Variants in KDM3A observed in about 807,000 individuals in gnomAD.
KDM3A encodes the protein lysine-specific demethylase 3A.
A neutral mutation model predicts 158.0 loss-of-function variants in KDM3A; 60 were observed. The ratio of observed to expected loss-of-function variants is 0.38; its 90% confidence interval spans 0.31 to 0.47. KDM3A has a LOEUF of 0.47. Among genes scored for constraint, KDM3A ranks in the 20% least tolerant of loss-of-function variants. The pLI is 0.99. For missense variants in KDM3A, 1,319 were observed against 1,574.3 expected (o/e 0.84, Z 2.74); for synonymous variants, 608 against 549.3 (o/e 1.11, Z -1.49).
chr2:86,454,650 G>A (rs988622594), intron 4 of KDM3A, among the ~76,000 whole-genome samples: 2 of 151,776 alleles, frequency 1.3e-5, no homozygotes, highest in Non-Finnish European at 2.9e-5. Flanking sequence ...GCAATGAATC[G>A]ACCATATACA....
intron 2 of KDM3A, among the ~76,000 whole-genome samples, chr2:86,448,614 G>T (rs1238241048): frequency 6.6e-6 from 1 of 152,124 alleles, no homozygotes; most frequent in African/African-American, 2.4e-5. Context: ...GGGAAGGTTT[G>T]TTTGAGGAAA....
intron 23 of KDM3A, 28 bp downstream of exon 23, chr2:86,489,687 G>C: frequency 6.3e-7 from 1 of 1,587,808 alleles, no homozygotes; most frequent in Non-Finnish European, 8.6e-7. Flanking sequence ...TGTGTGAACA[G>C]AGGCATAAGG....
chr2:86,474,880 T>C lies in KDM3A; in HGVS notation c.1829T>C (p.Val610Ala), dbSNP rs1236292519. The change falls in exon 12 of 26, where the codon GTT becomes GCT. Residue 610 changes from valine (V) to alanine (A), a missense_variant. Around this residue, in one of 4 missense-constraint regions of KDM3A, gnomAD observed 113 missense variants for 190.5 expected, o/e 0.59. Transcript: ENST00000312912. ...TTGTGGTTACCTTTAACCAAAAACGTTGTGGGGATTGATTTGGACACAGCA... is the reference window on the plus strand; with the variant it reads ...TTGTGGTTACCTTTAACCAAAAACGCTGTGGGGATTGATTTGGACACAGCA... Reference protein sequence around the residue: ...IGLWLPLTKNVVGIDLDTAKY... With the variant: ...IGLWLPLTKNAVGIDLDTAKY... 2 of 1,614,024 alleles carry C rather than the reference T, an allele frequency of 1.2e-6. No individual in the cohort carries two copies. The highest frequency in any genetic ancestry group is 1.7e-6 in the Non-Finnish European group (2 of 1,179,982).
intron 2 of KDM3A, among the ~76,000 whole-genome samples, chr2:86,445,658 G>A (rs1324724385): frequency 6.6e-6 from 1 of 152,172 alleles, no homozygotes; most frequent in Non-Finnish European, 1.5e-5. Context: ...GCAATTTGGT[G>A]CCTTGACTAA....
At chr2:86,474,106 T>C (rs1673540652) in intron 11 of KDM3A, among the ~76,000 whole-genome samples, 1 of 152,232 alleles carries the variant, frequency 6.6e-6, no homozygotes, top group Non-Finnish European at 1.5e-5. Flanking sequence ...ACTTAACTTC[T>C]GTAGTAACTT....
intron 10 of KDM3A, among the ~76,000 whole-genome samples, chr2:86,469,720 A>AT (rs2104671730): frequency 6.6e-6 from 1 of 152,294 alleles, no homozygotes; most frequent in East Asian, 1.9e-4. Flanking sequence ...TAGGAAAGTG[A>AT]TTCGTTTATT....
At chr2:86,456,671 G>A (rs2104644383) in intron 6 of KDM3A, 105 bp downstream of exon 6, 2 of 1,290,074 alleles carry the variant, frequency 1.6e-6, no homozygotes, top group African/African-American at 3.0e-5. Flanking sequence ...ATTTTATAGG[G>A]TAGAAATAAT....
chr2:86,456,931 T>C, intron 7 of KDM3A, 52 bp from the exon 8 acceptor site: 1 of 1,570,658 alleles, frequency 6.4e-7, no homozygotes, highest in Non-Finnish European at 8.7e-7. Context: ...TCCGTTCTTC[T>C]CACATTAAGA....
upstream of KDM3A, among the ~76,000 whole-genome samples, chr2:86,437,572 C>T (rs763256218): frequency 1.1e-4 from 16 of 152,088 alleles, no homozygotes; most frequent in Non-Finnish European, 2.1e-4. Context: ...TCTTTGTTCT[C>T]TTCATTACTT....
chr2:86,454,258 G>A (rs550694410), intron 4 of KDM3A, among the ~76,000 whole-genome samples: 25 of 152,190 alleles, frequency 1.6e-4, no homozygotes, highest in Non-Finnish European at 3.4e-4. Flanking sequence ...GCTTTAAGGG[G>A]CCTTAGAAAA....
At chr2:86,476,380 T>C (rs990246339) in intron 12 of KDM3A, among the ~76,000 whole-genome samples, 1 of 122,724 alleles carries the variant, frequency 8.1e-6, no homozygotes, top group Non-Finnish European at 1.7e-5. Context: ...GGCACAGTTA[T>C]CTTTTACAGC....
At chr2:86,458,480 G>A (rs1380741750) in intron 8 of KDM3A, among the ~76,000 whole-genome samples, 1 of 152,166 alleles carries the variant, frequency 6.6e-6, no homozygotes, top group Non-Finnish European at 1.5e-5. Flanking sequence ...ATCCATCCAA[G>A]AAACCATAGT....
intron 23 of KDM3A, 172 bp from the exon 24 acceptor site, chr2:86,490,709 T>G: frequency 1.8e-6 from 1 of 540,928 alleles, no homozygotes; most frequent in Non-Finnish European, 3.3e-6. Context: ...CATTCTTCTG[T>G]TGGTTCATTC....
At position 86,485,874 on chromosome 2, in the gene KDM3A, G is replaced by A; in HGVS notation, c.3313+15G>A. On this transcript the variant is annotated intron_variant, in intron 21 of 25. Coordinates refer to ENST00000312912, the MANE Select transcript of KDM3A (RefSeq NM_018433.6). ...TAATGCTTATGGTAAGGAGGAGATGGCTAACTTTAAAATGGAAATAAAACA... is the reference window on the plus strand; with the variant it reads ...TAATGCTTATGGTAAGGAGGAGATGACTAACTTTAAAATGGAAATAAAACA... 1 of 1,601,168 alleles carries A rather than the reference G, an allele frequency of 6.2e-7. No individual in the cohort carries two copies. Among genetic ancestry groups the A allele is most frequent in the Non-Finnish European group, 8.5e-7 (1 of 1,170,360 alleles).
At chr2:86,464,317 T>A in intron 9 of KDM3A, 101 bp downstream of exon 9, 1 of 842,536 alleles carries the variant, frequency 1.2e-6, no homozygotes, top group Non-Finnish European at 1.7e-6. Flanking sequence ...AGGTTTTTCG[T>A]TAGAGTTTCT....
chr2:86,444,995 G>T (rs865785013), intron 2 of KDM3A, among the ~76,000 whole-genome samples: 1 of 152,044 alleles, frequency 6.6e-6, no homozygotes, highest in African/African-American at 2.4e-5. Context: ...ATTATGTGGC[G>T]ATTACTTCAT....
intron 1 of KDM3A, 178 bp downstream of exon 1, chr2:86,441,622 G>A (rs1023098174): frequency 4.4e-4 from 67 of 150,662 alleles, no homozygotes; most frequent in Non-Finnish European, 6.1e-4. Flanking sequence ...TCGCGGGCTC[G>A]CCCACCCTCC....
intron 21 of KDM3A, chr2:86,488,131 TAAATAG>T (rs1265636163): frequency 5.9e-5 from 9 of 152,248 alleles, no homozygotes; most frequent in African/African-American, 9.6e-5. Flanking sequence ...GAACTTCATA[TAAATAG>T]AATCAGATTT....
chr2:86,438,309 G>A (rs989121581), upstream of KDM3A, among the ~76,000 whole-genome samples: 6 of 152,072 alleles, frequency 3.9e-5, no homozygotes, highest in African/African-American at 1.4e-4. Context: ...AGTAACATGT[G>A]AGTACATTTA....
Sources: gnomAD v4.1 joint callset for allele counts (sites outside exome capture counted in the v4.1 genomes callset) on GRCh38, gnomAD v4.1.1 for gene constraint, gnomAD v4.1.1 regional missense constraint, MANE v1.5 for transcripts, NCBI Gene and HGNC (gene_info 2026-07-23, HGNC 2026-07-21) for gene names.